Variants in ZNF394 observed in about 807,000 individuals in gnomAD.
ZNF394 encodes zinc finger protein 394, also known as zinc finger protein 99.
A neutral mutation model predicts 21.8 loss-of-function variants in ZNF394; 19 were observed. The ratio of observed to expected loss-of-function variants is 0.87; its 90% CI spans 0.61 to 1.28. ZNF394 has a LOEUF of 1.28. Ranked by LOEUF, ZNF394 falls within the 50% of genes most tolerant of loss-of-function variation. The probability of loss-of-function intolerance (pLI) is 0.00; values close to 1 mark genes in which losing one functional copy is unlikely to be tolerated. For synonymous variants in ZNF394, 294 were observed against 273.3 expected, an observed-to-expected ratio of 1.08 and a Z score of -0.75; for missense variants, 683 against 708.6, an observed-to-expected ratio of 0.96 and a Z score of 0.41.
downstream of ZNF394, among the ~76,000 whole-genome samples, chr7:99,492,288 T>C (rs545762287): frequency 9.2e-5 from 14 of 152,162 alleles, no homozygotes; most frequent in South Asian, 8.3e-4. Context: ...AAATTTTAAA[T>C]GACTAAAATA....
rs188451714 is a variant in ZNF394, at chr7:99,487,854, C to T, written n.84-891G>A. Among the ~76,000 whole-genome samples, 791 of 151,726 alleles carry T rather than the reference C, an allele frequency of 5.2e-3. 9 individuals are homozygous for T. The highest frequency in any genetic ancestry group is 0.018 in the African/African-American group (735 of 41,410). ...TTGGGAGGCCGAGGTGGGCGGATCA[C>T]GAGGTCAGGAGATCAAGACCATCCT... On this transcript the variant is annotated intron_variant and non_coding_transcript_variant, in intron 1 of 1. Coordinates refer to the ZNF394 transcript ENST00000462024.
At chr7:99,494,743 AT>A (rs1800253211) in intron 2 of ZNF394, 112 bp from the exon 3 acceptor site, 1 of 1,389,328 alleles carries the variant, frequency 7.2e-7, no homozygotes, top group African/African-American at 1.5e-5. Flanking sequence ...TAATTAATTA[AT>A]TTATTTTTTG....
At chr7:99,487,266 G>C in intron 1 of ZNF394, 1 of 1,614,214 alleles carries the variant, frequency 6.2e-7, no homozygotes, top group Non-Finnish European at 8.5e-7. Context: ...CCTTTGGTAG[G>C]AATGTGGATC....
chr7:99,497,168 C>CT (rs1327218917), intron 2 of ZNF394, among the ~76,000 whole-genome samples: 38 of 88,338 alleles, frequency 4.3e-4, no homozygotes, highest in African/African-American at 1.1e-3. Context: ...AATGTTTTTT[C>CT]TTTTTTTTTT....
At chr7:99,487,091 T>C in intron 1 of ZNF394, 1 of 1,614,138 alleles carries the variant, frequency 6.2e-7, no homozygotes, top group Admixed American at 1.7e-5. Context: ...GAAAAAACGT[T>C]TAGTCAGAAT....
downstream of ZNF394, among the ~76,000 whole-genome samples, chr7:99,488,619 T>C (rs1202189055): frequency 6.6e-6 from 1 of 151,894 alleles, no homozygotes; most frequent in Non-Finnish European, 1.5e-5. Context: ...ACTAGTGAGG[T>C]ATGAAGAACT....
At chr7:99,487,227 C>T in intron 1 of ZNF394, 1 of 1,614,170 alleles carries the variant, frequency 6.2e-7, no homozygotes, top group Non-Finnish European at 8.5e-7. Context: ...GTAAACCGAA[C>T]ACCCATAAAT....
At position 99,494,071 on chromosome 7, in the gene ZNF394, C is replaced by A; in HGVS notation, c.1144G>T (p.Gly382Cys). The A allele has an allele frequency of 6.2e-7, 1 of 1,614,208 alleles. No homozygotes were observed. Among genetic ancestry groups the A allele is most frequent in the African/African-American group, 1.3e-5 (1 of 75,040 alleles). ...DLFRHQRIHT[G>C]EKPYGCQECG... ...TCTTGGCAGCCATAGGGTTTCTCAC[C>A]TGTGTGGATTCTCTGGTGTCTAAAG... Residue 382 changes from glycine (G) to cysteine (C), a missense_variant, in exon 3 of 3, where the codon GGT becomes TGT. Gly to Cys is a radical substitution (Grantham distance 159). Coordinates refer to ENST00000337673, the MANE Select transcript of ZNF394 (RefSeq NM_032164.4).
At position 99,493,946 on chromosome 7, in the gene ZNF394, G is replaced by T; in HGVS notation, c.1269C>A (p.Phe423Leu). The T allele has an allele frequency of 6.2e-7, 1 of 1,614,242 alleles. No homozygotes were observed. Among genetic ancestry groups the T allele is most frequent in the Non-Finnish European group, 8.5e-7 (1 of 1,180,042 alleles). The stretch of plus-strand genomic sequence containing the variant: ...GACGATTTAGGTGTGAATTCTGCCT[G>T]AAGCGCTCCCCACATTTCAGACAGG... The part of the protein sequence containing the change: ...PYTCLKCGER[F>L]RQNSHLNRHQ... The change falls in exon 3 of 3, where the codon TTC (phenylalanine) becomes TTA (leucine). Residue 423 changes from phenylalanine (F) to leucine (L), a missense_variant. Around this residue, in one of 3 missense-constraint regions of ZNF394, gnomAD observed 274 missense variants for 314.1 expected, o/e 0.87. Coordinates refer to ENST00000337673, the MANE Select transcript of ZNF394 (RefSeq NM_032164.4).
chr7:99,494,385 T>C lies in ZNF394; in HGVS notation c.830A>G (p.Glu277Gly). ...TTCATTATTTTTAGAGTCTTCCCCT[T>C]CTATGGAACCATTCTTATTGACATC... Reference protein sequence around the residue: ...ISDVNKNGSIEGEDSKNNELQ... With the variant: ...ISDVNKNGSIGGEDSKNNELQ... Residue 277 changes from glutamate (E) to glycine (G), a missense_variant, in exon 3 of 3, where the codon GAA becomes GGA. Physicochemically the swap from Glu to Gly is moderately conservative, Grantham distance 98 (BLOSUM62 -2). Coordinates refer to ENST00000337673, the MANE Select transcript of ZNF394 (RefSeq NM_032164.4). 6.2e-7 allele frequency: 1 copy of C among 1,614,208 alleles called. No individual in the cohort carries two copies. The highest frequency in any genetic ancestry group is 2.2e-5 in the East Asian group (1 of 44,890).
Position 99,498,757 on chromosome 7 carries a change from C to G in ZNF394, c.542G>C (p.Arg181Thr). Residue 181 changes from arginine (R) to threonine (T), a missense_variant, in exon 2 of 3, where the codon AGA becomes ACA. Transcript: ENST00000337673. ...CCCGGAATCCTTCTGCGCACTCTCT[C>G]TGCAGAAGTCCCTCCGTGCTGGGTC... Reference protein sequence around the residue: ...RLDPARRDFCRESAQKDSGST... With the variant: ...RLDPARRDFCTESAQKDSGST... 6.2e-7 allele frequency: 1 copy of G among 1,614,146 alleles called. No homozygotes were observed. Among genetic ancestry groups the G allele is most frequent in the Non-Finnish European group, 8.5e-7 (1 of 1,180,028 alleles).
At chr7:99,498,154 T>C (rs34111611) in intron 2 of ZNF394, 3,523 of 152,428 alleles carry the variant, frequency 0.023, 58 homozygotes, top group South Asian at 0.041. Context: ...TCAACAGAAA[T>C]GGAGAGAATT....
At chr7:99,492,308 G>A (rs371209913), downstream of ZNF394, among the ~76,000 whole-genome samples, 1 of 151,898 alleles carries the variant, frequency 6.6e-6, no homozygotes, top group South Asian at 2.1e-4. Context: ...ACATTCTTAG[G>A]CAAGTATTAA....
intron 2 of ZNF394, chr7:99,498,507 G>A: frequency 1.9e-6 from 1 of 534,954 alleles, no homozygotes; most frequent in Non-Finnish European, 3.1e-6. Context: ...TTTTTATATA[G>A]TTTTCTGTAT....
At position 99,499,964 on chromosome 7, in the gene ZNF394, C is replaced by A. The variant is rs1800468790; in HGVS notation, c.130G>T (p.Asp44Tyr). Residue 44 changes from aspartate to tyrosine, a missense_variant, in exon 1 of 3, where the codon GAC becomes TAC. Asp to Tyr is a radical substitution (Grantham distance 160). Coordinates refer to ENST00000337673, the MANE Select transcript of ZNF394 (RefSeq NM_032164.4). ...TTGGGCTCCCAACTTCCGGGTGAGTCTTCCTCCACTTTCACGGGCAAAAGT... is the reference window on the plus strand; with the variant it reads ...TTGGGCTCCCAACTTCCGGGTGAGTATTCCTCCACTTTCACGGGCAAAAGT... ...DGLLPVKVEE[D>Y]SPGSWEPNYP... 4 of 1,613,626 alleles carry A rather than the reference C, an allele frequency of 2.5e-6. No homozygotes were observed. The African/African-American group carries it at 5.3e-5, about 22-fold the overall frequency.
Position 99,493,746 on chromosome 7 carries a change from A to C in ZNF394, c.1469T>G (p.Ile490Ser). The change falls in exon 3 of 3, where the codon ATC (isoleucine) becomes AGC (serine). Residue 490 changes from isoleucine (I) to serine (S), a missense_variant. Transcript: ENST00000337673. ...QRSDLFKHHRIHTGEKPYGCS... is the reference protein window; with the variant it reads ...QRSDLFKHHRSHTGEKPYGCS... ...TCCATAGGGCTTCTCCCCAGTGTGG[A>C]TTCTGTGGTGTTTAAAGAGGTCAGA... is the stretch of plus-strand genomic sequence containing the variant. 1 of 1,614,118 alleles carries C rather than the reference A, an allele frequency of 6.2e-7. No homozygotes were observed. Among genetic ancestry groups the C allele is most frequent in the Non-Finnish European group, 8.5e-7 (1 of 1,180,008 alleles).
chr7:99,499,422 A>C (rs1055366568), intron 1 of ZNF394, among the ~76,000 whole-genome samples: 13 of 151,928 alleles, frequency 8.6e-5, no homozygotes, highest in African/African-American at 3.1e-4. Context: ...AGAAAAGAAA[A>C]AGAAAGAAAA....
At chr7:99,494,685 T>C in intron 2 of ZNF394, 54 bp from the exon 3 acceptor site, 2 of 1,514,444 alleles carry the variant, frequency 1.3e-6, no homozygotes, top group Non-Finnish European at 8.8e-7. Flanking sequence ...AACACAGAAA[T>C]AAGCAAGTGC....
In ZNF394 at chr7:99,495,680, G is replaced by A. The variant is rs1429413088; in HGVS notation, c.584-1049C>T. On this transcript the variant is annotated intron_variant, in intron 2 of 2. Transcript: ENST00000337673. ...TTGTTGCCAAGGCTGGAGTGCAGTG[G>A]AGTGATCTCAGCTCACTGCAACCTC... Among the ~76,000 whole-genome samples, 13 of 152,066 alleles carry A rather than the reference G, an allele frequency of 8.5e-5. 1 individual carries two copies. In the South Asian group the frequency reaches 1.7e-3, roughly 19 times the overall value.
Sources: allele counts gnomAD v4.1 joint callset (sites outside exome capture counted in the v4.1 genomes callset), GRCh38; gene constraint gnomAD v4.1.1; regional missense constraint gnomAD v4.1.1; transcripts MANE v1.5; gene names NCBI Gene and HGNC (gene_info 2026-07-23, HGNC 2026-07-21).